The following RTN4 variants were observed in gnomAD, a reference collection of about 807,000 sequenced individuals.
The protein encoded by RTN4 is reticulon-4.
RTN4 carries 32 observed loss-of-function variants against 90.4 expected under a neutral mutation model. The observed-to-expected ratio is 0.35, with a 90% confidence interval of 0.27 to 0.48. The LOEUF (loss-of-function observed/expected upper bound fraction) is 0.48, where lower values mean the gene tolerates loss of function less well. RTN4 is among the 20% of genes least tolerant of loss of function. The pLI is 0.99. For missense variants in RTN4, 1,706 were observed against 1,430.2 expected (o/e 1.19, Z -3.11); for synonymous variants, 629 against 552.5 (o/e 1.14, Z -1.94).
chr2:55,006,826 T>C (rs778439377), intron 3 of RTN4, among the ~76,000 whole-genome samples: 5 of 152,114 alleles, frequency 3.3e-5, no homozygotes, highest in African/African-American at 1.2e-4. Flanking sequence ...AGTTACACTA[T>C]CCTGCTTCTT....
intron 3 of RTN4, among the ~76,000 whole-genome samples, chr2:54,996,702 A>G (rs1558782322): frequency 6.6e-6 from 1 of 152,236 alleles, no homozygotes; most frequent in Non-Finnish European, 1.5e-5. Flanking sequence ...AACGGCCGAA[A>G]GACTCAAAGT....
chr2:55,017,173 A>T (rs1056484015), intron 3 of RTN4, among the ~76,000 whole-genome samples: 1 of 152,208 alleles, frequency 6.6e-6, no homozygotes, highest in Admixed American at 6.5e-5. Flanking sequence ...AACTTACATC[A>T]AAATTTTCCA....
chr2:55,107,536 T>A (rs1220427071), intron 1 of RTN4, among the ~76,000 whole-genome samples: 3 of 151,950 alleles, frequency 2.0e-5, no homozygotes, highest in Admixed American at 2.0e-4. Flanking sequence ...ACTGCCTGGC[T>A]GGTACATCTG....
At chr2:55,002,255 C>A (rs1178518473) in intron 3 of RTN4, among the ~76,000 whole-genome samples, 2 of 151,824 alleles carry the variant, frequency 1.3e-5, no homozygotes, top group East Asian at 3.9e-4. Context: ...GGCAGGGCCT[C>A]CCTATGTTGC....
rs141299224 is a variant in RTN4 at position 55,002,057 on chromosome 2, A to T, written c.3014-14359T>A. Among the ~76,000 whole-genome samples, 487 of 151,818 alleles carry T rather than the reference A, an allele frequency of 3.2e-3. 1 individual carries two copies. The highest frequency in any genetic ancestry group is 0.011 in the African/African-American group (463 of 41,426). On this transcript the variant is annotated intron_variant, in intron 3 of 8. Coordinates refer to ENST00000337526, the MANE Select transcript of RTN4 (RefSeq NM_020532.5). ...AAGTCAATCAAATCTTATTTTATTT[A>T]TTTATTTATTTATTTATTTAAGACA...
At chr2:55,136,231 C>T in the RTN4 span, among the ~76,000 whole-genome samples, 1 of 152,158 alleles carries the variant, frequency 6.6e-6, no homozygotes, top group African/African-American at 2.4e-5. Flanking sequence ...AACCTTCCTC[C>T]AGGAACACTC....
At chr2:55,067,333 T>A (rs1668412576) in intron 2 of RTN4, among the ~76,000 whole-genome samples, 1 of 152,044 alleles carries the variant, frequency 6.6e-6, no homozygotes, top group African/African-American at 2.4e-5. Flanking sequence ...CGAAATGGAG[T>A]CATTAATGTT....
intron 1 of RTN4, among the ~76,000 whole-genome samples, chr2:55,100,033 C>T (rs1344110858): frequency 1.3e-5 from 2 of 152,110 alleles, no homozygotes. Context: ...GTCTAAGTTA[C>T]ATCTGCAACA....
At chr2:55,131,154 T>C in the RTN4 span, among the ~76,000 whole-genome samples, 2 of 152,100 alleles carry the variant, frequency 1.3e-5, no homozygotes, top group South Asian at 4.1e-4. Flanking sequence ...CTCAGCTCAC[T>C]ACAACCTCCA....
chr2:54,989,184 T>G (rs955788205), intron 3 of RTN4, among the ~76,000 whole-genome samples: 1 of 152,220 alleles, frequency 6.6e-6, no homozygotes, highest in African/African-American at 2.4e-5. Flanking sequence ...CTGCTGCTAG[T>G]ATATCATGAG....
chr2:55,095,323 CAA>C (rs1328611450), intron 1 of RTN4, among the ~76,000 whole-genome samples: 1 of 138,776 alleles, frequency 7.2e-6, no homozygotes. Context: ...GATCCTGTCT[CAA>C]AAAAAAAAAC....
chr2:55,110,999 C>G (rs1201962590), intron 1 of RTN4, among the ~76,000 whole-genome samples: 1 of 152,048 alleles, frequency 6.6e-6, no homozygotes, highest in East Asian at 1.9e-4. Context: ...CGAGATCGTA[C>G]CACGGTACTC....
rs1305864629 is a variant in RTN4, at chr2:55,027,386, A to G, written c.713T>C (p.Leu238Pro). Residue 238 changes from leucine (L) to proline (P), a missense_variant, in exon 3 of 9, where the codon CTG becomes CCG. Transcript: ENST00000337526. ...LLETAASLPS[L>P]SPLSAASFKE... ...GAAAGAAGCGGCTGAGAGAGGAGAC[A>G]GAGAAGGAAGAGAAGCAGCAGTTTC... The G allele has an allele frequency of 1.9e-6, 3 of 1,613,632 alleles. No homozygotes were observed. In the Admixed American group the frequency reaches 5.0e-5, roughly 27 times the overall value.
intron 1 of RTN4, among the ~76,000 whole-genome samples, chr2:55,110,737 G>T (rs1668023733): frequency 6.6e-6 from 1 of 152,110 alleles, no homozygotes; most frequent in South Asian, 2.1e-4. Flanking sequence ...GAAAAATACA[G>T]ATTAAAAATA....
chr2:55,040,147 T>A (rs1424735540), intron 1 of RTN4, among the ~76,000 whole-genome samples: 1 of 152,210 alleles, frequency 6.6e-6, no homozygotes, highest in Admixed American at 6.5e-5. Flanking sequence ...ATCTTCTATA[T>A]TCTGATTTTC....
At chr2:55,066,803 T>G (rs1223422527) in intron 2 of RTN4, among the ~76,000 whole-genome samples, 3 of 152,138 alleles carry the variant, frequency 2.0e-5, no homozygotes, top group African/African-American at 7.2e-5. Context: ...CATATGAAAT[T>G]GTCATTTTTA....
intron 5 of RTN4, among the ~76,000 whole-genome samples, chr2:54,981,708 A>C (rs62134818): frequency 0.021 from 3,124 of 152,246 alleles, 34 homozygotes; most frequent in Middle Eastern, 0.082. Flanking sequence ...CCAAAAACTA[A>C]AGAAAAACTT....
intron 1 of RTN4, 80 bp from the exon 2 acceptor site, chr2:55,028,300 G>A: frequency 7.8e-7 from 1 of 1,281,738 alleles, no homozygotes; most frequent in Non-Finnish European, 1.1e-6. Context: ...AGCAAGCCAG[G>A]GTTCAGTTTG....
intron 2 of RTN4, among the ~76,000 whole-genome samples, chr2:55,061,283 C>CAA (rs1668287079): frequency 6.6e-6 from 1 of 152,066 alleles, no homozygotes; most frequent in Admixed American, 6.5e-5. Context: ...AGGCTGGTCT[C>CAA]AAACTCCTGA....
Sources: gnomAD v4.1 joint callset for allele counts (sites outside exome capture counted in the v4.1 genomes callset) on GRCh38, gnomAD v4.1.1 for gene constraint, MANE v1.5 for transcripts, NCBI Gene and HGNC (gene_info 2026-07-23, HGNC 2026-07-21) for gene names.